Variants in ANKRD34B observed in about 807,000 individuals in gnomAD.
ANKRD34B encodes the protein ankyrin repeat domain-containing protein 34B.
In ANKRD34B, 2 loss-of-function variants were observed where a neutral mutation model predicts 4.4. That is an observed-to-expected ratio of 0.46 (90% CI 0.19 to 1.44). The LOEUF is 1.44. Among genes scored for constraint, ANKRD34B ranks in the 40% most tolerant of loss-of-function variants. ANKRD34B has a pLI of 0.26. For synonymous variants in ANKRD34B, 226 were observed against 227.1 expected (o/e 0.99, Z 0.05); for missense variants, 558 against 604.7 (o/e 0.92, Z 0.81).
Position 80,559,795 on chromosome 5 carries a change from G to A in ANKRD34B, c.225C>T (p.Ala75=). The A allele has an allele frequency of 1.9e-6, 3 of 1,614,166 alleles. No individual in the cohort carries two copies. Among genetic ancestry groups the A allele is most frequent in the South Asian group, 2.2e-5 (2 of 91,088 alleles). Residue 75 remains alanine, a synonymous_variant, in exon 5 of 5, where the codon GCC becomes GCT. Coordinates refer to ENST00000338682, the MANE Select transcript of ANKRD34B (RefSeq NM_001004441.3). The part of the protein sequence containing the change: ...KMVKYLLENN[A]DPNIQDKSGK... ...CAGATTTGTCCTGTATGTTGGGATC[G>A]GCATTGTTCTCTAACAGGTATTTCA...
At chr5:80,561,163 T>C (rs71636238) in intron 4 of ANKRD34B, among the ~76,000 whole-genome samples, 17,708 of 152,222 alleles carry the variant, frequency 0.12, 1,105 homozygotes, top group Middle Eastern at 0.22. Flanking sequence ...GTTTAATTTA[T>C]TTAAATATTT....
chr5:80,560,886 G>A (rs1220121163), intron 4 of ANKRD34B, among the ~76,000 whole-genome samples: 1 of 152,074 alleles, frequency 6.6e-6, no homozygotes, highest in East Asian at 1.9e-4. Flanking sequence ...AATATTGTTT[G>A]GGCTACAACG....
chr5:80,565,880 T>A (rs1746550072), intron 3 of ANKRD34B, among the ~76,000 whole-genome samples: 1 of 152,206 alleles, frequency 6.6e-6, no homozygotes, highest in Non-Finnish European at 1.5e-5. Flanking sequence ...TCCCTTACAA[T>A]TTCCAAATAC....
chr5:80,565,164 T>C (rs1746528923), intron 3 of ANKRD34B, among the ~76,000 whole-genome samples: 1 of 152,266 alleles, frequency 6.6e-6, no homozygotes, highest in South Asian at 2.1e-4. Flanking sequence ...TCCCCTTCTC[T>C]TTAGCCCTTC....
chr5:80,559,696 C>G lies in ANKRD34B; in HGVS notation c.324G>C (p.Gly108=), dbSNP rs1746360260. 1 of 1,613,970 alleles carries G rather than the reference C, an allele frequency of 6.2e-7. No individual in the cohort carries two copies. The highest frequency in any genetic ancestry group is 1.3e-5 in the African/African-American group (1 of 74,880). Residue 108 remains glycine, a synonymous_variant, in exon 5 of 5, where the codon GGG becomes GGC. Coordinates refer to ENST00000338682, the MANE Select transcript of ANKRD34B (RefSeq NM_001004441.3). ...AATGGTCTTGCAAGCTGAGGTCAGCCCCACTCTTGAGGAGCAAGGAAACAA... is the reference window on the plus strand; with the variant it reads ...AATGGTCTTGCAAGCTGAGGTCAGCGCCACTCTTGAGGAGCAAGGAAACAA... ...PEVVSLLLKS[G]ADLSLQDHSS...
rs1746291046 is a variant in ANKRD34B at position 80,557,974 on chromosome 5, T to C, written c.*501A>G. ...TCAGTCAACATTTGTAAAGAATTAGTTCATTCTTTCTTTGTAGCTCGAGTT... is the reference window on the plus strand; with the variant it reads ...TCAGTCAACATTTGTAAAGAATTAGCTCATTCTTTCTTTGTAGCTCGAGTT... On this transcript the variant is annotated 3_prime_UTR_variant, in exon 5 of 5. Coordinates refer to ENST00000338682, the MANE Select transcript of ANKRD34B (RefSeq NM_001004441.3). The C allele has an allele frequency of 6.6e-6, 1 of 152,450 alleles. No individual in the cohort carries two copies. Among genetic ancestry groups the C allele is most frequent in the Admixed American group, 6.5e-5 (1 of 15,292 alleles). The allele number at this position is 152,450 out of a possible 1,614,324, so 9.4% of individuals were successfully genotyped here.
chr5:80,566,409 G>T (rs1746567793), intron 3 of ANKRD34B, among the ~76,000 whole-genome samples: 2 of 152,262 alleles, frequency 1.3e-5, no homozygotes, highest in South Asian at 4.2e-4. Flanking sequence ...TCCTAGGCAA[G>T]AAAATGAAGA....
Position 80,558,357 on chromosome 5 carries a change from T to C in ANKRD34B, c.*118A>G. The C allele has an allele frequency of 1.3e-6, 1 of 761,360 alleles. No homozygotes were observed. Among genetic ancestry groups the C allele is most frequent in the Non-Finnish European group, 2.1e-6 (1 of 481,722 alleles). 47.2% of individuals were successfully genotyped at this position (761,360 alleles called of 1,614,324 possible). Reference sequence around the variant, plus strand: ...AAATCACATTACATTTTAATCCATCTAGCCATTATGGACTAACCAATCACG... The same window carrying C: ...AAATCACATTACATTTTAATCCATCCAGCCATTATGGACTAACCAATCACG... On this transcript the variant is annotated 3_prime_UTR_variant, in exon 5 of 5. Transcript: ENST00000338682.
chr5:80,562,242 G>C (rs1746425577), intron 4 of ANKRD34B, among the ~76,000 whole-genome samples: 1 of 152,064 alleles, frequency 6.6e-6, no homozygotes. Context: ...CAGAATGTCA[G>C]CTCCACCCCA....
At chr5:80,564,949 C>T (rs1746521793) in intron 3 of ANKRD34B, among the ~76,000 whole-genome samples, 1 of 152,234 alleles carries the variant, frequency 6.6e-6, no homozygotes, top group South Asian at 2.1e-4. Flanking sequence ...AGGTGATCTG[C>T]CTGCCTCAGC....
chr5:80,562,258 A>G lies in ANKRD34B; in HGVS notation c.-24+1477T>C, dbSNP rs537690908. Among the ~76,000 whole-genome samples the G allele has an allele frequency of 2.0e-5, 3 of 152,284 alleles. No individual in the cohort carries two copies. The South Asian group carries it at 6.2e-4, about 32-fold the overall frequency. ...AGAATGTCAGCTCCACCCCAGAGCT[A>G]CTGAATCACAGCCTATATTTTAACA... On this transcript the variant is annotated intron_variant, in intron 4 of 4. Transcript: ENST00000338682.
At chr5:80,566,378 C>T (rs979283119) in intron 3 of ANKRD34B, among the ~76,000 whole-genome samples, 4 of 152,126 alleles carry the variant, frequency 2.6e-5, no homozygotes, top group Non-Finnish European at 5.9e-5. Context: ...CTATCCCACC[C>T]CAGGAATCAG....
chr5:80,568,516 G>A lies in ANKRD34B; in HGVS notation c.-191+444C>T, dbSNP rs561132519. On this transcript the variant is annotated intron_variant, in intron 2 of 4. Coordinates refer to ENST00000338682, the MANE Select transcript of ANKRD34B (RefSeq NM_001004441.3). ...TGCCCTGCCTTTCCTAGACGGGTTT[G>A]AAAAAACCCAGAGCCCTAGTGGGCA... 5.2e-3 allele frequency among the ~76,000 whole-genome samples: 788 copies of A among 152,228 alleles called. 4 individuals are homozygous for A. The highest frequency in any genetic ancestry group is 0.018 in the African/African-American group (740 of 41,546).
chr5:80,560,658 C>T (rs1451237258), intron 4 of ANKRD34B, among the ~76,000 whole-genome samples: 1 of 151,956 alleles, frequency 6.6e-6, no homozygotes, highest in Non-Finnish European at 1.5e-5. Flanking sequence ...GAGAACCTGT[C>T]TCTAAAAAAA....
chr5:80,561,102 C>T (rs1055296573), intron 4 of ANKRD34B, among the ~76,000 whole-genome samples: 5 of 152,120 alleles, frequency 3.3e-5, no homozygotes, highest in African/African-American at 4.8e-5. Context: ...AGGAGCCATC[C>T]AGACTTTGTA....
chr5:80,564,985 G>A (rs1223447125), intron 3 of ANKRD34B, among the ~76,000 whole-genome samples: 2 of 152,208 alleles, frequency 1.3e-5, no homozygotes, highest in Admixed American at 6.5e-5. Context: ...GATTACAGGC[G>A]TGCGCCACTG....
chr5:80,567,858 G>A (rs898974792), intron 2 of ANKRD34B, among the ~76,000 whole-genome samples: 2 of 151,976 alleles, frequency 1.3e-5, no homozygotes, highest in Admixed American at 6.6e-5. Context: ...AGGCAGCAGG[G>A]TGCGTATCAG....
intron 3 of ANKRD34B, among the ~76,000 whole-genome samples, chr5:80,565,632 T>C (rs528037299): frequency 6.6e-6 from 1 of 152,388 alleles, no homozygotes; most frequent in East Asian, 1.9e-4. Context: ...AATACTTTCT[T>C]GTTTTGTCTT....
rs56934964 is a variant in ANKRD34B, at chr5:80,562,052, C to CGTGTGTGTGTGT, written c.-24+1671_-24+1682dup. On this transcript the variant is annotated intron_variant, in intron 4 of 4. Transcript: ENST00000338682. Reference sequence around the variant, plus strand: ...GATGAGCCAGTAGTAACTGACTCAGCGTGTGTGTGTGTGTGTGTGTGTGTG... The same window carrying CGTGTGTGTGTGT: ...GATGAGCCAGTAGTAACTGACTCAGCGTGTGTGTGTGTGTGTGTGTGTGTGTGTGTGTGTGTG... 4.3e-3 allele frequency among the ~76,000 whole-genome samples: 555 copies of CGTGTGTGTGTGT among 128,308 alleles called. 9 individuals are homozygous for CGTGTGTGTGTGT. The highest frequency in any genetic ancestry group is 0.01 in the East Asian group (38 of 3,682). 84.2% of individuals were successfully genotyped at this position (128,308 alleles called of 152,430 possible).
Sources: allele counts gnomAD v4.1 joint callset (sites outside exome capture counted in the v4.1 genomes callset), GRCh38; gene constraint gnomAD v4.1.1; transcripts MANE v1.5; gene names NCBI Gene and HGNC (gene_info 2026-07-23, HGNC 2026-07-21).